The following OXR1 variants were observed in gnomAD, a reference collection of about 807,000 sequenced individuals.
The protein encoded by OXR1 is oxidation resistance 1, also known as oxidation resistance protein 1.
In OXR1, 41 loss-of-function variants were observed where a neutral mutation model predicts 104.6. That is an observed-to-expected ratio of 0.39 (90% confidence interval 0.31 to 0.51). The LOEUF (loss-of-function observed/expected upper bound fraction) is 0.51, where lower values mean the gene tolerates loss of function less well. Ranked by LOEUF, OXR1 falls within the 20% of genes least tolerant of loss-of-function variation. The pLI is 0.77. For missense variants in OXR1, 955 were observed against 1,031.9 expected, an observed-to-expected ratio of 0.93 and a Z score of 1.02; for synonymous variants, 348 against 348.4, an observed-to-expected ratio of 1.00 and a Z score of 0.01.
At chr8:106,543,166 A>G (rs1815090996) in intron 3 of OXR1, among the ~76,000 whole-genome samples, 1 of 152,206 alleles carries the variant, frequency 6.6e-6, no homozygotes, top group Non-Finnish European at 1.5e-5. Context: ...CACTGCACTC[A>G]TCATTCACAG....
intron 3 of OXR1, among the ~76,000 whole-genome samples, chr8:106,523,924 A>G (rs1367131594): frequency 1.3e-5 from 2 of 151,774 alleles, no homozygotes; most frequent in Admixed American, 6.6e-5. Context: ...ACAGGCGCCC[A>G]CCACCATGCC....
intron 11 of OXR1, among the ~76,000 whole-genome samples, chr8:106,736,897 G>T (rs1044067443): frequency 1.1e-4 from 17 of 152,250 alleles, no homozygotes; most frequent in African/African-American, 4.1e-4. Context: ...GGCTGAAGCA[G>T]ACATACTTAG....
intron 2 of OXR1, among the ~76,000 whole-genome samples, chr8:106,439,470 A>G (rs1375064526): frequency 1.3e-5 from 2 of 152,046 alleles, no homozygotes; most frequent in South Asian, 2.1e-4. Context: ...CCAAAATAAA[A>G]CAGTTGTTTT....
intron 3 of OXR1, among the ~76,000 whole-genome samples, chr8:106,629,183 AT>A (rs1239538334): frequency 1.3e-5 from 2 of 152,078 alleles, no homozygotes; most frequent in African/African-American, 2.4e-5. Flanking sequence ...GTAAAATAAC[AT>A]TTAAATTTTT....
chr8:106,500,075 AATC>A (rs1254201054), intron 2 of OXR1, among the ~76,000 whole-genome samples: 4 of 152,206 alleles, frequency 2.6e-5, no homozygotes, highest in Non-Finnish European at 4.4e-5. Flanking sequence ...TTGTGCTACA[AATC>A]ATCATCAAGT....
chr8:106,583,057 G>T (rs1366150712), intron 3 of OXR1, among the ~76,000 whole-genome samples: 13 of 151,864 alleles, frequency 8.6e-5, no homozygotes, highest in Admixed American at 8.5e-4. Context: ...TTAGGAGGGA[G>T]TTTTTTTTGA....
intron 3 of OXR1, among the ~76,000 whole-genome samples, chr8:106,576,960 C>T (rs1036547217): frequency 9.2e-5 from 14 of 152,086 alleles, no homozygotes; most frequent in African/African-American, 1.7e-4. Flanking sequence ...TCTCTTAATT[C>T]GAACTTTTTT....
intron 2 of OXR1, among the ~76,000 whole-genome samples, chr8:106,365,730 CT>C (rs1476313817): frequency 2.6e-5 from 4 of 152,090 alleles, no homozygotes; most frequent in African/African-American, 9.7e-5. Context: ...TTTAGAATAA[CT>C]TTTTAAAAAT....
At chr8:106,622,892 G>A (rs1053883357) in intron 3 of OXR1, among the ~76,000 whole-genome samples, 2 of 152,018 alleles carry the variant, frequency 1.3e-5, no homozygotes, top group African/African-American at 4.8e-5. Flanking sequence ...GGCCTAATAC[G>A]TAGAATGTCT....
intron 2 of OXR1, among the ~76,000 whole-genome samples, chr8:106,398,245 C>T (rs1817859864): frequency 6.6e-6 from 1 of 152,104 alleles, no homozygotes; most frequent in East Asian, 1.9e-4. Flanking sequence ...CGTGGTCTTC[C>T]TTTATTCTTA....
chr8:106,408,116 C>T (rs1198784091), intron 2 of OXR1, among the ~76,000 whole-genome samples: 1 of 152,160 alleles, frequency 6.6e-6, no homozygotes, highest in Non-Finnish European at 1.5e-5. Flanking sequence ...GGCCCATGCT[C>T]ATCAAAGAAT....
intron 3 of OXR1, among the ~76,000 whole-genome samples, chr8:106,534,066 C>A (rs1814298063): frequency 6.6e-6 from 1 of 152,124 alleles, no homozygotes; most frequent in Admixed American, 6.5e-5. Context: ...AGCCTGAAAT[C>A]TATTCCAAAG....
At chr8:106,411,989 C>G (rs1044449846) in intron 2 of OXR1, among the ~76,000 whole-genome samples, 1 of 152,136 alleles carries the variant, frequency 6.6e-6, no homozygotes, top group Non-Finnish European at 1.5e-5. Flanking sequence ...TCCCCAGCTT[C>G]TCAGCAATAA....
chr8:106,672,492 G>C (rs925628078), intron 3 of OXR1, among the ~76,000 whole-genome samples: 1 of 118,084 alleles, frequency 8.5e-6, no homozygotes, highest in African/African-American at 3.0e-5. Flanking sequence ...ATCAAAGAAA[G>C]AAAGAAAGAG....
In OXR1 at chr8:106,300,593, T is replaced by G. The variant is rs542345366; in HGVS notation, c.-139+30226T>G. Among the ~76,000 whole-genome samples, 6 of 152,202 alleles carry G rather than the reference T, an allele frequency of 3.9e-5. No individual in the cohort carries two copies. In the South Asian group the frequency reaches 1.2e-3, roughly 32 times the overall value. On this transcript the variant is annotated intron_variant, in intron 1 of 16. Transcript: ENST00000517566. ...CAACATGAAATGCACCGTGAATCAT[T>G]GTTTTTCTGCTGTTCTACAAATATT...
intron 3 of OXR1, among the ~76,000 whole-genome samples, chr8:106,608,740 C>A (rs1354297052): frequency 6.6e-6 from 1 of 152,130 alleles, no homozygotes; most frequent in African/African-American, 2.4e-5. Flanking sequence ...CCAAAACACC[C>A]ACAAAGGAAA....
intron 2 of OXR1, among the ~76,000 whole-genome samples, chr8:106,461,753 A>T (rs1041006176): frequency 6.6e-6 from 1 of 152,152 alleles, no homozygotes; most frequent in African/African-American, 2.4e-5. Context: ...TGCAGATCGG[A>T]ACAGATAATA....
intron 3 of OXR1, among the ~76,000 whole-genome samples, chr8:106,662,692 A>G (rs1438711026): frequency 6.6e-6 from 1 of 152,192 alleles, no homozygotes; most frequent in Non-Finnish European, 1.5e-5. Flanking sequence ...TAGACATTGG[A>G]CAAAGAATTT....
rs115356530 is a variant in OXR1, at chr8:106,645,796, T to C, written c.221-33414T>C. 7.5e-3 allele frequency among the ~76,000 whole-genome samples: 1,135 copies of C among 152,280 alleles called. 18 individuals are homozygous for C. The highest frequency in any genetic ancestry group is 0.026 in the African/African-American group (1,071 of 41,540). ...AGTTCTATTCCTTTCAAACATTATG[T>C]ACAGCACTTAGGAGTTTGCTGTTCA... is the stretch of plus-strand genomic sequence containing the variant. On this transcript the variant is annotated intron_variant, in intron 3 of 16. Transcript: ENST00000517566.
Sources: allele counts gnomAD v4.1 joint callset (sites outside exome capture counted in the v4.1 genomes callset), GRCh38; gene constraint gnomAD v4.1.1; transcripts MANE v1.5; gene names NCBI Gene and HGNC (gene_info 2026-07-23, HGNC 2026-07-21).